The following TRHDE variants were observed in gnomAD, a reference collection of about 807,000 sequenced individuals.
TRHDE encodes thyrotropin releasing hormone degrading enzyme, also known as thyrotropin-releasing hormone-degrading ectoenzyme.
Under a neutral mutation model 125.7 loss-of-function variants are expected in TRHDE, and 72 were observed. That is an observed-to-expected ratio of 0.57 (90% CI 0.47 to 0.70). TRHDE has a LOEUF of 0.70. Ranked by LOEUF, TRHDE falls within the 30% of genes least tolerant of loss-of-function variation. The probability of loss-of-function intolerance (pLI) is 0.00; values close to 1 mark genes in which losing one functional copy is unlikely to be tolerated. For synonymous variants in TRHDE, 509 were observed against 509.1 expected (o/e 1.00, Z 0.00); for missense variants, 1,110 against 1,327.1 (o/e 0.84, Z 2.54).
intron 12 of TRHDE, among the ~76,000 whole-genome samples, chr12:72,586,342 A>G (rs1305924960): frequency 6.6e-6 from 1 of 152,300 alleles, no homozygotes; most frequent in African/African-American, 2.4e-5. Flanking sequence ...GGAAATCGTA[A>G]AGCCTTAGGA....
intron 3 of TRHDE, among the ~76,000 whole-genome samples, chr12:72,440,407 T>C (rs981545956): frequency 6.6e-6 from 1 of 151,940 alleles, no homozygotes; most frequent in Non-Finnish European, 1.5e-5. Flanking sequence ...TCAATCTCAA[T>C]TTTATTAAAT....
chr12:72,578,475 T>G (rs937350972), intron 12 of TRHDE, among the ~76,000 whole-genome samples: 1 of 152,182 alleles, frequency 6.6e-6, no homozygotes, highest in Non-Finnish European at 1.5e-5. Flanking sequence ...ATGATTTTAC[T>G]CACCCTCCCT....
intron 10 of TRHDE, among the ~76,000 whole-genome samples, chr12:72,569,708 T>C (rs1396414092): frequency 6.6e-6 from 1 of 152,192 alleles, no homozygotes; most frequent in East Asian, 1.9e-4. Context: ...CATAAAGACA[T>C]ACGACGAAAA....
chr12:72,463,962 A>G (rs1282351748), intron 3 of TRHDE, among the ~76,000 whole-genome samples: 1 of 152,150 alleles, frequency 6.6e-6, no homozygotes, highest in Non-Finnish European at 1.5e-5. Flanking sequence ...TTCTCCCTGC[A>G]TGATGTTCTC....
At chr12:72,639,996 G>T (rs970741594) in intron 15 of TRHDE, among the ~76,000 whole-genome samples, 3 of 152,090 alleles carry the variant, frequency 2.0e-5, no homozygotes, top group African/African-American at 7.2e-5. Flanking sequence ...AGCCTACAGA[G>T]GCAGGCAGGC....
chr12:72,476,089 G>C (rs1592473642), intron 5 of TRHDE, among the ~76,000 whole-genome samples: 2 of 151,932 alleles, frequency 1.3e-5, no homozygotes, highest in African/African-American at 4.8e-5. Context: ...GCTAATTTTT[G>C]TATTTTTTGC....
intron 1 of TRHDE, among the ~76,000 whole-genome samples, chr12:72,089,382 C>G (rs1038796348): frequency 1.3e-5 from 2 of 152,140 alleles, no homozygotes; most frequent in African/African-American, 4.8e-5. Context: ...AAAGTAAAGT[C>G]CTTTACAAAG....
chr12:72,366,861 T>G (rs1269177397), intron 2 of TRHDE, among the ~76,000 whole-genome samples: 1 of 152,008 alleles, frequency 6.6e-6, no homozygotes, highest in African/African-American at 2.4e-5. Context: ...ATAACAGTAT[T>G]TGCTATGGTG....
At chr12:72,512,020 CT>C (rs1878600858) in intron 6 of TRHDE, among the ~76,000 whole-genome samples, 1 of 152,120 alleles carries the variant, frequency 6.6e-6, no homozygotes, top group Non-Finnish European at 1.5e-5. Context: ...TTGAATTCCT[CT>C]GTTGCACACA....
chr12:72,283,987 A>C (rs1454859661), intron 1 of TRHDE, among the ~76,000 whole-genome samples: 1 of 152,044 alleles, frequency 6.6e-6, no homozygotes, highest in Non-Finnish European at 1.5e-5. Context: ...CTTAAAAAAA[A>C]AGTTATACTG....
At chr12:72,197,764 C>A (rs555407454) in intron 2 of TRHDE, among the ~76,000 whole-genome samples, 58 of 152,152 alleles carry the variant, frequency 3.8e-4, no homozygotes, top group African/African-American at 1.3e-3. Context: ...GTATCTGGAT[C>A]CTGCTTACAC....
At chr12:72,314,345 C>T (rs368986804) in intron 2 of TRHDE, among the ~76,000 whole-genome samples, 1 of 143,238 alleles carries the variant, frequency 7.0e-6, no homozygotes, top group East Asian at 2.2e-4. Flanking sequence ...CCCTTCCTTC[C>T]TTCTTTTTTT....
At chr12:72,458,587 A>G (rs1479647098) in intron 3 of TRHDE, among the ~76,000 whole-genome samples, 1 of 152,144 alleles carries the variant, frequency 6.6e-6, no homozygotes, top group Non-Finnish European at 1.5e-5. Context: ...TCCCCAATGC[A>G]TCAGACTTCT....
rs190212733 is a variant in TRHDE, at chr12:72,118,999, A to T, written n.279+13247A>T. Among the ~76,000 whole-genome samples, 209 of 151,360 alleles carry T rather than the reference A, an allele frequency of 1.4e-3. 1 individual carries two copies. The highest frequency in any genetic ancestry group is 4.6e-3 in the African/African-American group (191 of 41,252). ...ATCTTTTAAAAAAACCAGCTTTTTG[A>T]TGTGTTGATCTTTTGTATTGTTTTA... On this transcript the variant is annotated intron_variant and non_coding_transcript_variant, in intron 2 of 4. Coordinates refer to the TRHDE transcript ENST00000548156.
chr12:72,153,188 G>T (rs1336204859), intron 2 of TRHDE, among the ~76,000 whole-genome samples: 1 of 152,152 alleles, frequency 6.6e-6, no homozygotes, highest in Non-Finnish European at 1.5e-5. Flanking sequence ...TTACATAGAG[G>T]TGTTTATAGT....
intron 12 of TRHDE, among the ~76,000 whole-genome samples, chr12:72,579,668 C>G (rs988455568): frequency 6.6e-6 from 1 of 151,960 alleles, no homozygotes; most frequent in Admixed American, 6.6e-5. Context: ...ATAGGGCTTC[C>G]CTGTCTGAAG....
chr12:72,194,349 C>G (rs918779007), intron 2 of TRHDE, among the ~76,000 whole-genome samples: 4 of 152,074 alleles, frequency 2.6e-5, no homozygotes, highest in Non-Finnish European at 4.4e-5. Flanking sequence ...TACTATTGCA[C>G]CAGCCTTCTT....
At chr12:72,650,815 T>TTAAG (rs1259935245) in intron 15 of TRHDE, among the ~76,000 whole-genome samples, 1 of 152,120 alleles carries the variant, frequency 6.6e-6, no homozygotes, top group African/African-American at 2.4e-5. Context: ...AGCTGTTGAT[T>TTAAG]TAAGTTATTA....
At chr12:72,495,812 A>T (rs1877890924) in intron 5 of TRHDE, among the ~76,000 whole-genome samples, 1 of 152,158 alleles carries the variant, frequency 6.6e-6, no homozygotes, top group African/African-American at 2.4e-5. Flanking sequence ...CATATACTCT[A>T]CATTTACTCA....
Sources: allele counts gnomAD v4.1 joint callset (sites outside exome capture counted in the v4.1 genomes callset), GRCh38; gene constraint gnomAD v4.1.1; transcripts MANE v1.5; gene names NCBI Gene and HGNC (gene_info 2026-07-23, HGNC 2026-07-21).